The following FAR1 variants were observed in gnomAD, a reference collection of about 807,000 sequenced individuals.
FAR1 encodes fatty acyl-CoA reductase 1, also known as male sterility domain-containing protein 2.
FAR1 carries 22 observed loss-of-function variants against 61.1 expected under a neutral mutation model. The observed-to-expected ratio is 0.36, with a 90% CI of 0.26 to 0.51. The LOEUF is 0.51. FAR1 is among the 20% of genes least tolerant of loss of function. FAR1 has a pLI of 0.95. For synonymous variants in FAR1, 206 were observed against 209.7 expected, an observed-to-expected ratio of 0.98 and a Z score of 0.15; for missense variants, 359 against 626.9, an observed-to-expected ratio of 0.57 and a Z score of 4.56.
chr11:13,701,273 G>A (rs535400453), intron 3 of FAR1, among the ~76,000 whole-genome samples: 1 of 151,880 alleles, frequency 6.6e-6, no homozygotes, highest in South Asian at 2.1e-4. Flanking sequence ...TAACTAAAAG[G>A]AGGATATTGA....
At chr11:13,674,033 C>T (rs983687094) in intron 1 of FAR1, among the ~76,000 whole-genome samples, 3 of 152,012 alleles carry the variant, frequency 2.0e-5, no homozygotes, top group African/African-American at 2.4e-5. Context: ...CAAATTGGGC[C>T]GGGTGCGGTG....
At position 13,721,241 on chromosome 11, in the gene FAR1, C is replaced by T. The variant is rs960355095; in HGVS notation, c.1128-489C>T. 3.9e-5 allele frequency: 6 copies of T among 151,998 alleles called. No individual in the cohort carries two copies. The highest frequency in any genetic ancestry group is 7.3e-5 in the Non-Finnish European group (5 of 68,030). The allele number at this position is 151,998 out of a possible 1,614,324, so 9.4% of individuals were successfully genotyped here. Reference sequence around the variant, plus strand: ...TGAATAGAGTTGACTATGTGGCAAACGAATATTTCTGTATTGTTTGCTTCA... The same window carrying T: ...TGAATAGAGTTGACTATGTGGCAAATGAATATTTCTGTATTGTTTGCTTCA... On this transcript the variant is annotated intron_variant, in intron 9 of 11. Coordinates refer to ENST00000354817, the MANE Select transcript of FAR1 (RefSeq NM_032228.6). This position sits in a 1 kb window ranked among gnomAD's most constrained non-coding sequence, Gnocchi z 4.2.
Position 13,713,020 on chromosome 11 carries a change from C to G in FAR1, c.942C>G (p.His314Gln), listed in dbSNP as rs1848516778. ...CAACAGGCAGCACTAATCCTTTCCA[C>G]TGGGGTGAAGTTGGTATGATTTTAC... ...NCTTGSTNPF[H>Q]WGEVEYHVIS... Residue 314 changes from histidine (H) to glutamine (Q), a missense_variant, in exon 8 of 12, where the codon CAC becomes CAG. Physicochemically the swap from His to Gln is conservative, Grantham distance 24. Around this residue, in one of 2 missense-constraint regions of FAR1, gnomAD observed 344 missense variants for 570.3 expected, o/e 0.60. Transcript: ENST00000354817. The G allele has an allele frequency of 6.2e-7, 1 of 1,612,750 alleles. No individual in the cohort carries two copies. Among genetic ancestry groups the G allele is most frequent in the Non-Finnish European group, 8.5e-7 (1 of 1,178,924 alleles).
Position 13,694,885 on chromosome 11 carries a change from A to T in FAR1, c.120A>T (p.Val40=). Reference sequence around the variant, plus strand: ...GGTCTTGTCCTAAGGTGAATTCAGTATATGTTTTGGTGAGGCAGAAAGCTG... The same window carrying T: ...GGTCTTGTCCTAAGGTGAATTCAGTTTATGTTTTGGTGAGGCAGAAAGCTG... ...LLRSCPKVNS[V]YVLVRQKAGQ... Residue 40 remains valine (V), a synonymous_variant, in exon 2 of 12, where the codon GTA becomes GTT. Transcript: ENST00000354817. The T allele has an allele frequency of 6.2e-7, 1 of 1,614,076 alleles. No homozygotes were observed. Among genetic ancestry groups the T allele is most frequent in the Non-Finnish European group, 8.5e-7 (1 of 1,179,956 alleles).
At position 13,721,975 on chromosome 11, in the gene FAR1, A is replaced by G; in HGVS notation, c.1257+116A>G. ...TTATGCAACAAGTAAGCCATTATTT[A>G]TAGTCTCTCATAAAGCTTTAGTCAT... On this transcript the variant is annotated intron_variant, in intron 10 of 11. Coordinates refer to ENST00000354817, the MANE Select transcript of FAR1 (RefSeq NM_032228.6). This position sits in a 1 kb window ranked among gnomAD's most constrained non-coding sequence, Gnocchi z 4.2. 2.5e-6 allele frequency: 2 copies of G among 785,952 alleles called. No individual in the cohort carries two copies. Among genetic ancestry groups the G allele is most frequent in the African/African-American group, 1.8e-5 (1 of 56,486 alleles). 48.7% of individuals were successfully genotyped at this position (785,952 alleles called of 1,614,324 possible). A position where few individuals can be genotyped will look rare whatever the true frequency, so the allele number is the denominator to read the frequency against.
chr11:13,670,369 A>G (rs1420452426), intron 1 of FAR1, among the ~76,000 whole-genome samples: 1 of 151,944 alleles, frequency 6.6e-6, no homozygotes, highest in East Asian at 1.9e-4. Context: ...GCTCGCTGCA[A>G]CCTCCACCTC....
At chr11:13,669,064 T>G (rs1419967757) in intron 1 of FAR1, among the ~76,000 whole-genome samples, 1 of 152,128 alleles carries the variant, frequency 6.6e-6, no homozygotes, top group Non-Finnish European at 1.5e-5. Context: ...GGGGCCTGGT[T>G]TGCAGCCGCG....
chr11:13,699,097 C>G (rs908073144), intron 2 of FAR1, among the ~76,000 whole-genome samples: 1 of 152,192 alleles, frequency 6.6e-6, no homozygotes, highest in African/African-American at 2.4e-5. Context: ...CAGGGCCTTC[C>G]TCCCTCACTT....
chr11:13,691,871 A>G (rs1397561418), intron 1 of FAR1, among the ~76,000 whole-genome samples: 2 of 152,188 alleles, frequency 1.3e-5, no homozygotes, highest in African/African-American at 4.8e-5. Flanking sequence ...GAATGCTCCA[A>G]AATTCAAAAC....
Position 13,700,475 on chromosome 11 carries a change from G to A in FAR1, c.348G>A (p.Arg116=). The part of the protein sequence containing the change: ...NIIFHCAATV[R]FNENLRDAVQ... The stretch of plus-strand genomic sequence containing the variant: ...TATTCCACTGTGCAGCTACAGTAAG[G>A]TTTAATGAAAATTTAAGGTAAGTAC... The change falls in exon 3 of 12, where the codon AGG becomes AGA. Residue 116 remains arginine, a synonymous_variant. Coordinates refer to ENST00000354817, the MANE Select transcript of FAR1 (RefSeq NM_032228.6). The A allele has an allele frequency of 6.7e-7, 1 of 1,492,708 alleles. No homozygotes were observed. The highest frequency in any genetic ancestry group is 8.9e-7 in the Non-Finnish European group (1 of 1,124,368). The allele number at this position is 1,492,708 out of a possible 1,614,324, so 92.5% of individuals were successfully genotyped here.
chr11:13,671,793 G>T (rs1200375824), intron 1 of FAR1, among the ~76,000 whole-genome samples: 1 of 152,188 alleles, frequency 6.6e-6, no homozygotes, highest in African/African-American at 2.4e-5. Flanking sequence ...GTCAGTAAAT[G>T]TTAATTGAGC....
chr11:13,728,552 A>G (rs12798931), intron 11 of FAR1, 60 bp from the exon 12 acceptor site: 1 of 1,460,618 alleles, frequency 6.8e-7, no homozygotes, highest in Non-Finnish European at 9.4e-7. Context: ...ATTAGCTGCC[A>G]TCTAACAATA....
At chr11:13,711,087 A>T (rs1026502587) in intron 5 of FAR1, 2 of 499,956 alleles carry the variant, frequency 4.0e-6, no homozygotes, top group Admixed American at 8.1e-5. Flanking sequence ...ACATTTAAAA[A>T]ATCCTAAGTG....
At chr11:13,699,814 A>T (rs184090092) in intron 2 of FAR1, among the ~76,000 whole-genome samples, 1 of 152,234 alleles carries the variant, frequency 6.6e-6, no homozygotes, top group Non-Finnish European at 1.5e-5. Context: ...GAACATATTG[A>T]CTTTGTTTTC....
chr11:13,711,544 G>A (rs146789560), intron 5 of FAR1, among the ~76,000 whole-genome samples: 200 of 152,182 alleles, frequency 1.3e-3, no homozygotes, highest in African/African-American at 4.7e-3. Flanking sequence ...AGAGTAGTAG[G>A]TAGCCCTTTG....
chr11:13,673,071 T>C (rs1223786796), intron 1 of FAR1, among the ~76,000 whole-genome samples: 1 of 152,204 alleles, frequency 6.6e-6, no homozygotes, highest in East Asian at 1.9e-4. Context: ...GCTGATCAAC[T>C]TAAACACTTA....
chr11:13,691,738 A>G (rs1463080667), intron 1 of FAR1, among the ~76,000 whole-genome samples: 4 of 152,170 alleles, frequency 2.6e-5, no homozygotes, highest in Non-Finnish European at 5.9e-5. Context: ...ATTCCATTGT[A>G]TGTATAAACC....
rs1318258206 is a variant in FAR1, at chr11:13,729,118, C to T, written c.*344C>T. ...GAACATATTAATTAAAATAATATGCCTTAACATATAGTGAATTTCTAATTC... is the reference window on the plus strand; with the variant it reads ...GAACATATTAATTAAAATAATATGCTTTAACATATAGTGAATTTCTAATTC... On this transcript the variant is annotated 3_prime_UTR_variant, in exon 12 of 12. Coordinates refer to ENST00000354817, the MANE Select transcript of FAR1 (RefSeq NM_032228.6). 3.1e-5 allele frequency: 5 copies of T among 163,020 alleles called. No homozygotes were observed. Among genetic ancestry groups the T allele is most frequent in the African/African-American group, 9.6e-5 (4 of 41,714 alleles). The allele number at this position is 163,020 out of a possible 1,614,324, so 10.1% of individuals were successfully genotyped here. A position where few individuals can be genotyped will look rare whatever the true frequency, so the allele number is the denominator to read the frequency against.
chr11:13,719,371 TTATAA>T (rs1565351877), intron 9 of FAR1, among the ~76,000 whole-genome samples: 1 of 152,204 alleles, frequency 6.6e-6, no homozygotes, highest in Non-Finnish European at 1.5e-5. Context: ...ATACAAAGTC[TTATAA>T]TTTATAATAT....
Sources: gnomAD v4.1 joint callset for allele counts (sites outside exome capture counted in the v4.1 genomes callset) on GRCh38, gnomAD v4.1.1 for gene constraint, gnomAD v4.1.1 regional missense constraint, Gnocchi (gnomAD v3.1) non-coding constraint, MANE v1.5 for transcripts, NCBI Gene and HGNC (gene_info 2026-07-23, HGNC 2026-07-21) for gene names.